USP13: variants seen among roughly 807,000 people sequenced by gnomAD.
The protein encoded by USP13 is ubiquitin specific peptidase 13, also known as ubiquitin carboxyl-terminal hydrolase 13.
A neutral mutation model predicts 107.8 loss-of-function variants in USP13; 68 were observed. The ratio of observed to expected loss-of-function variants is 0.63; its 90% CI spans 0.52 to 0.77. USP13 has a LOEUF of 0.77. Among genes scored for constraint, USP13 ranks in the 30% least tolerant of loss-of-function variants. The pLI is 0.00. For missense variants in USP13, 945 were observed against 1,093.3 expected, an observed-to-expected ratio of 0.86 and a Z score of 1.91; for synonymous variants, 377 against 389.5, an observed-to-expected ratio of 0.97 and a Z score of 0.38.
At position 179,690,266 on chromosome 3, in the gene USP13, C is replaced by T. The variant is rs61760203; in HGVS notation, c.320C>T (p.Ala107Val). The T allele has an allele frequency of 0.013, 21,599 of 1,613,150 alleles. 180 individuals carry two copies. The highest frequency in any genetic ancestry group is 0.027 in the South Asian group (2,441 of 90,914). Residue 107 changes from alanine (A) to valine (V), a missense_variant, in exon 3 of 21, where the codon GCG becomes GTG. Coordinates refer to ENST00000263966, the MANE Select transcript of USP13 (RefSeq NM_003940.3). ...AAGGTAAGAGGGGCGTCTGGTGGAG[C>T]GTTACCAAAAAGGAGGAATTCCAAG... is the stretch of plus-strand genomic sequence containing the variant. ...REKVRGASGG[A>V]LPKRRNSKIF...
intron 2 of USP13, among the ~76,000 whole-genome samples, chr3:179,686,109 C>G: frequency 6.6e-6 from 1 of 152,168 alleles, no homozygotes; most frequent in South Asian, 2.1e-4. Context: ...CCCTGCCCAG[C>G]AAACCTTCTA....
chr3:179,660,332 A>G (rs191855571), intron 1 of USP13, among the ~76,000 whole-genome samples: 48 of 152,122 alleles, frequency 3.2e-4, no homozygotes, highest in African/African-American at 1.1e-3. Flanking sequence ...TTCTGTCTCT[A>G]TGAATTTGCT....
intron 13 of USP13, among the ~76,000 whole-genome samples, chr3:179,746,689 C>T (rs1456568641): frequency 6.6e-6 from 1 of 152,184 alleles, no homozygotes; most frequent in African/African-American, 2.4e-5. Context: ...TCCTTGGCCT[C>T]CCAAAGTGCT....
chr3:179,774,388 G>A (rs1715440795), intron 19 of USP13, among the ~76,000 whole-genome samples: 1 of 152,188 alleles, frequency 6.6e-6, no homozygotes, highest in Admixed American at 6.5e-5. Flanking sequence ...TGTGTCCGCA[G>A]TTTGTTCCTT....
chr3:179,694,089 T>G (rs1238461705), intron 3 of USP13, among the ~76,000 whole-genome samples: 1 of 152,010 alleles, frequency 6.6e-6, no homozygotes, highest in African/African-American at 2.4e-5. Flanking sequence ...ACCTCCCACC[T>G]CAGCCTCCCA....
rs567416679 is a variant in USP13, at chr3:179,723,184, C to T, written c.1088+1595C>T. ...GTTGAAATCCTAATGGCTTTAACGGCGGTTCATCAAAAGTATGTCACATAC... is the reference window on the plus strand; with the variant it reads ...GTTGAAATCCTAATGGCTTTAACGGTGGTTCATCAAAAGTATGTCACATAC... On this transcript the variant is annotated intron_variant, in intron 8 of 20. Transcript: ENST00000263966. 3.9e-5 allele frequency among the ~76,000 whole-genome samples: 6 copies of T among 152,278 alleles called. No homozygotes were observed. In the South Asian group the frequency reaches 1.0e-3, roughly 26 times the overall value.
chr3:179,777,230 G>A (rs1309870960), intron 19 of USP13, among the ~76,000 whole-genome samples: 2 of 151,980 alleles, frequency 1.3e-5, no homozygotes, highest in East Asian at 3.9e-4. Flanking sequence ...GACATGTTTG[G>A]ATATAGTGGG....
intron 1 of USP13, among the ~76,000 whole-genome samples, chr3:179,679,285 A>G (rs1711569898): frequency 1.3e-5 from 2 of 152,180 alleles, no homozygotes; most frequent in African/African-American, 2.4e-5. Context: ...TTTTTATTGG[A>G]ATTTAAACAA....
chr3:179,684,414 G>T (rs1200822992), intron 2 of USP13, among the ~76,000 whole-genome samples: 1 of 152,080 alleles, frequency 6.6e-6, no homozygotes, highest in Non-Finnish European at 1.5e-5. Context: ...GGGCTCAAGT[G>T]ATCCTCCCAC....
At chr3:179,731,023 C>T (rs1422267996) in intron 10 of USP13, among the ~76,000 whole-genome samples, 2 of 152,076 alleles carry the variant, frequency 1.3e-5, no homozygotes, top group African/African-American at 2.4e-5. Context: ...AAACATTTTC[C>T]CTTTGGTAAC....
intron 10 of USP13, among the ~76,000 whole-genome samples, chr3:179,731,619 G>A (rs927432809): frequency 6.6e-6 from 1 of 152,160 alleles, no homozygotes; most frequent in African/African-American, 2.4e-5. Flanking sequence ...GGCCAGACCT[G>A]CATTTCCACT....
At chr3:179,676,456 G>A (rs1254761661) in intron 1 of USP13, among the ~76,000 whole-genome samples, 1 of 152,074 alleles carries the variant, frequency 6.6e-6, no homozygotes, top group Non-Finnish European at 1.5e-5. Flanking sequence ...TGAGGTTGAG[G>A]GTTTGAAACT....
chr3:179,694,462 G>T (rs77144816), intron 3 of USP13, among the ~76,000 whole-genome samples: 1,809 of 152,070 alleles, frequency 0.012, 34 homozygotes, highest in African/African-American at 0.041. Flanking sequence ...GTCCAAAATG[G>T]CTACTGGAAC....
intron 3 of USP13, among the ~76,000 whole-genome samples, chr3:179,693,216 A>G (rs190205990): frequency 9.2e-5 from 14 of 152,108 alleles, no homozygotes; most frequent in African/African-American, 3.4e-4. Context: ...TGCCACAATC[A>G]TAGCTCCCTG....
intron 2 of USP13, among the ~76,000 whole-genome samples, chr3:179,688,811 A>C (rs746014598): frequency 6.6e-6 from 1 of 151,636 alleles, no homozygotes; most frequent in Non-Finnish European, 1.5e-5. Context: ...GCTTTGCAAT[A>C]GGTTTTATTT....
rs1715672661 is a variant in USP13, at chr3:179,779,636, C to G, written c.2414-2103C>G. Among the ~76,000 whole-genome samples the G allele has an allele frequency of 2.0e-5, 3 of 150,654 alleles. No individual in the cohort carries two copies. The South Asian group carries it at 6.3e-4, about 32-fold the overall frequency. ...CACTAAACCGTTGGTAGATGACCTG[C>G]TTCTGGGTCGGGGTTTTGTACGTAG... On this transcript the variant is annotated intron_variant, in intron 19 of 20. Coordinates refer to ENST00000263966, the MANE Select transcript of USP13 (RefSeq NM_003940.3).
chr3:179,723,509 G>A (rs575164910), intron 8 of USP13, among the ~76,000 whole-genome samples: 1 of 152,302 alleles, frequency 6.6e-6, no homozygotes, highest in African/African-American at 2.4e-5. Flanking sequence ...GAGGGAGGTG[G>A]TCAGAGAGGA....
chr3:179,747,531 ACTGT>A (rs1714452136), intron 13 of USP13, among the ~76,000 whole-genome samples: 1 of 152,124 alleles, frequency 6.6e-6, no homozygotes, highest in Non-Finnish European at 1.5e-5. Flanking sequence ...GATGTGACAC[ACTGT>A]CTGTGCCTGC....
At position 179,730,705 on chromosome 3, in the gene USP13, A is replaced by C. The variant is rs767322963; in HGVS notation, c.1250A>C (p.His417Pro). The C allele has an allele frequency of 6.2e-7, 1 of 1,614,074 alleles. No homozygotes were observed. Residue 417 changes from histidine (H) to proline (P), a missense_variant, in exon 10 of 21, where the codon CAC becomes CCC. By Grantham distance (77) the His-to-Pro change is moderately conservative (BLOSUM62 -2). Coordinates refer to ENST00000263966, the MANE Select transcript of USP13 (RefSeq NM_003940.3). Reference protein sequence around the residue: ...ELIEQVMKEEHKPQQNGISPR... With the variant: ...ELIEQVMKEEPKPQQNGISPR... The stretch of plus-strand genomic sequence containing the variant: ...ATTGAACAGGTGATGAAGGAGGAGC[A>C]CAAGGTATGTGTCCGAGCGTTTGCC...
Sources: gnomAD v4.1 joint callset for allele counts (sites outside exome capture counted in the v4.1 genomes callset) on GRCh38, gnomAD v4.1.1 for gene constraint, MANE v1.5 for transcripts, NCBI Gene and HGNC (gene_info 2026-07-23, HGNC 2026-07-21) for gene names.